Variants in PARD3B observed in about 807,000 individuals in gnomAD.
PARD3B encodes partitioning defective 3 homolog B.
In PARD3B, 103 loss-of-function variants were observed where a neutral mutation model predicts 130.2. The observed-to-expected ratio is 0.79, with a 90% CI of 0.67 to 0.93. The LOEUF is 0.93. Among genes scored for constraint, PARD3B ranks in the 40% least tolerant of loss-of-function variants. PARD3B has a pLI of 0.00. For missense variants in PARD3B, 1,609 were observed against 1,499.2 expected (o/e 1.07, Z -1.21); for synonymous variants, 583 against 553.2 (o/e 1.05, Z -0.76).
chr2:204,877,363 T>G (rs2045884836), intron 2 of PARD3B, among the ~76,000 whole-genome samples: 1 of 152,094 alleles, frequency 6.6e-6, no homozygotes, highest in South Asian at 2.1e-4. Context: ...AACCTGCACG[T>G]TGTGCACATA....
At chr2:205,245,849 A>G in intron 16 of PARD3B, 27 bp downstream of exon 16, 4 of 1,548,822 alleles carry the variant, frequency 2.6e-6, no homozygotes, top group Non-Finnish European at 2.7e-6. Flanking sequence ...AACTGACTAT[A>G]TTCCTCTTCC....
At chr2:205,553,187 A>T in intron 21 of PARD3B, 137 bp from the exon 22 acceptor site, 1 of 688,416 alleles carries the variant, frequency 1.5e-6, no homozygotes, top group Non-Finnish European at 2.5e-6. Flanking sequence ...AGCAATGTGG[A>T]GTTCTTGCTT....
chr2:205,221,239 A>G (rs999322100), intron 15 of PARD3B, among the ~76,000 whole-genome samples: 2 of 152,086 alleles, frequency 1.3e-5, no homozygotes, highest in Admixed American at 1.3e-4. Context: ...CTTTGTGATT[A>G]CTTGTGTGTT....
At chr2:204,784,057 G>A (rs548921938) in intron 2 of PARD3B, among the ~76,000 whole-genome samples, 1 of 152,260 alleles carries the variant, frequency 6.6e-6, no homozygotes, top group African/African-American at 2.4e-5. Flanking sequence ...CAACGACCTA[G>A]TTGGGATGTT....
intron 3 of PARD3B, among the ~76,000 whole-genome samples, chr2:205,028,610 A>C (rs998651153): frequency 8.5e-5 from 13 of 152,262 alleles, no homozygotes; most frequent in Admixed American, 3.9e-4. Flanking sequence ...GACCTCTAAG[A>C]TCAGGAACCA....
chr2:204,967,555 G>A lies in PARD3B; in HGVS notation c.394+2232G>A. 6.6e-6 allele frequency among the ~76,000 whole-genome samples: 1 copy of A among 152,124 alleles called. No homozygotes were observed. Among genetic ancestry groups the A allele is most frequent in the South Asian group, 2.1e-4 (1 of 4,830 alleles). On this transcript the variant is annotated intron_variant, in intron 3 of 22. Transcript: ENST00000406610. The surrounding 1 kb of genome is among the most constrained non-coding windows in gnomAD (Gnocchi z 4.4). ...GCAAGCTGATGCAGATGGTTCCTCT[G>A]AATCAGCAGGAGAAATTTGGGCAAG...
chr2:205,150,612 C>T (rs773847906), intron 10 of PARD3B, among the ~76,000 whole-genome samples: 3 of 151,940 alleles, frequency 2.0e-5, no homozygotes, highest in Non-Finnish European at 4.4e-5. Flanking sequence ...TATTAGAGGG[C>T]ACTAATTATG....
intron 18 of PARD3B, among the ~76,000 whole-genome samples, chr2:205,348,401 C>T (rs558881813): frequency 6.2e-4 from 94 of 152,288 alleles, no homozygotes; most frequent in Middle Eastern, 6.8e-3. Flanking sequence ...CACACACTCA[C>T]GGAAGAGATG....
intron 4 of PARD3B, among the ~76,000 whole-genome samples, chr2:205,054,808 C>T (rs1699533154): frequency 6.6e-6 from 1 of 152,032 alleles, no homozygotes; most frequent in Non-Finnish European, 1.5e-5. Flanking sequence ...ACAGAGAACA[C>T]ATCTAAAGCA....
At chr2:205,252,084 G>C (rs987624018) in intron 16 of PARD3B, among the ~76,000 whole-genome samples, 2 of 152,088 alleles carry the variant, frequency 1.3e-5, no homozygotes, top group African/African-American at 4.8e-5. Context: ...GAATAATGTG[G>C]TCTGTAAAAT....
chr2:205,216,637 C>T (rs1267138060), intron 15 of PARD3B, among the ~76,000 whole-genome samples: 1 of 152,064 alleles, frequency 6.6e-6, no homozygotes, highest in African/African-American at 2.4e-5. Context: ...ATGTTTAATG[C>T]TTACTTCGTA....
intron 2 of PARD3B, among the ~76,000 whole-genome samples, chr2:204,864,273 A>G (rs150553793): frequency 2.8e-4 from 43 of 152,248 alleles, no homozygotes; most frequent in Middle Eastern, 3.4e-3. Context: ...TTTTTCCATG[A>G]TAAAACCATC....
chr2:204,980,964 G>GTTACATAAGATGTTA, intron 3 of PARD3B, among the ~76,000 whole-genome samples: 1 of 152,266 alleles, frequency 6.6e-6, no homozygotes, highest in Middle Eastern at 3.4e-3. Context: ...ACATACCATA[G>GTTACATAAGATGTTA]TTACATAAGA....
At chr2:205,257,869 A>G (rs1409022152) in intron 16 of PARD3B, among the ~76,000 whole-genome samples, 1 of 152,140 alleles carries the variant, frequency 6.6e-6, no homozygotes, top group Non-Finnish European at 1.5e-5. Context: ...TCTTAGTTTG[A>G]GCAAAGAGTC....
At chr2:205,090,586 A>G (rs1702046485) in intron 4 of PARD3B, among the ~76,000 whole-genome samples, 1 of 152,202 alleles carries the variant, frequency 6.6e-6, no homozygotes, top group African/African-American at 2.4e-5. Context: ...CAGGTTGGGT[A>G]AGTTGGTTTA....
At chr2:204,977,625 C>T (rs1459488231) in intron 3 of PARD3B, among the ~76,000 whole-genome samples, 7 of 151,868 alleles carry the variant, frequency 4.6e-5, no homozygotes, top group South Asian at 2.1e-4. Context: ...CTGGCTAACA[C>T]GGTGAAACCC....
intron 3 of PARD3B, among the ~76,000 whole-genome samples, chr2:205,038,905 G>T (rs535080560): frequency 6.6e-6 from 1 of 152,224 alleles, no homozygotes; most frequent in African/African-American, 2.4e-5. Flanking sequence ...GAAAGTTTTT[G>T]ACTTAGTTTC....
At chr2:204,599,173 C>G (rs574448242) in intron 1 of PARD3B, among the ~76,000 whole-genome samples, 5 of 151,980 alleles carry the variant, frequency 3.3e-5, no homozygotes, top group African/African-American at 1.2e-4. Context: ...TCTTAAAAGT[C>G]TATCATTTCT....
intron 21 of PARD3B, among the ~76,000 whole-genome samples, chr2:205,521,558 T>TTTTTC (rs1553536414): frequency 0.015 from 2,346 of 151,590 alleles, 194 homozygotes; most frequent in Admixed American, 0.14. Context: ...TATGATTTTT[T>TTTTTC]TTCTTTTTCT....
Sources: allele counts gnomAD v4.1 joint callset (sites outside exome capture counted in the v4.1 genomes callset), GRCh38; gene constraint gnomAD v4.1.1; non-coding constraint Gnocchi (gnomAD v3.1); transcripts MANE v1.5; gene names NCBI Gene and HGNC (gene_info 2026-07-23, HGNC 2026-07-21).